The following SRBD1 variants were observed in gnomAD, a reference collection of about 807,000 sequenced individuals.
SRBD1 encodes the protein S1 RNA-binding domain-containing protein 1.
A neutral mutation model predicts 115.3 loss-of-function variants in SRBD1; 88 were observed. That is an observed-to-expected ratio of 0.76 (90% confidence interval 0.64 to 0.91). SRBD1 has a LOEUF of 0.91. SRBD1 is among the 40% of genes least tolerant of loss of function. The pLI is 0.00. For missense variants in SRBD1, 1,385 were observed against 1,177.4 expected, an observed-to-expected ratio of 1.18 and a Z score of -2.58; for synonymous variants, 509 against 407.7, an observed-to-expected ratio of 1.25 and a Z score of -2.99.
At chr2:45,433,171 T>G (rs1668390653) in intron 16 of SRBD1, among the ~76,000 whole-genome samples, 3 of 152,102 alleles carry the variant, frequency 2.0e-5, no homozygotes, top group Non-Finnish European at 4.4e-5. Context: ...AAATACAAAA[T>G]GTAGCTAGAA....
chr2:45,435,529 G>C (rs1298628024), intron 16 of SRBD1, among the ~76,000 whole-genome samples: 1 of 150,142 alleles, frequency 6.7e-6, no homozygotes, highest in Non-Finnish European at 1.5e-5. Context: ...ACATACCCAG[G>C]GCACCAAGAC....
intron 4 of SRBD1, among the ~76,000 whole-genome samples, chr2:45,592,171 G>A (rs1386344732): frequency 6.6e-6 from 1 of 152,030 alleles, no homozygotes; most frequent in African/African-American, 2.4e-5. Flanking sequence ...TGATTCTGAG[G>A]CCTCCCCAGC....
intron 16 of SRBD1, among the ~76,000 whole-genome samples, chr2:45,472,420 T>C (rs1171976043): frequency 6.6e-6 from 1 of 152,234 alleles, no homozygotes; most frequent in Non-Finnish European, 1.5e-5. Context: ...CACTGACTTG[T>C]ACATTTTAAA....
At chr2:45,579,466 T>G (rs931133663) in intron 7 of SRBD1, among the ~76,000 whole-genome samples, 3 of 152,126 alleles carry the variant, frequency 2.0e-5, no homozygotes, top group Non-Finnish European at 2.9e-5. Flanking sequence ...ATGAAGGAAT[T>G]TCTTTAAAAA....
At chr2:45,555,488 C>CTTTTTTTTTTTTT (rs35646522) in intron 10 of SRBD1, among the ~76,000 whole-genome samples, 1 of 121,386 alleles carries the variant, frequency 8.2e-6, no homozygotes, top group Admixed American at 8.7e-5. Context: ...TCATTAAACC[C>CTTTTTTTTTTTTT]TTTTTTTTTT....
rs1327555715 is a variant in SRBD1, at chr2:45,551,249, T to G, written c.1551A>C (p.Ser517=). 1 of 1,606,880 alleles carries G rather than the reference T, an allele frequency of 6.2e-7. No individual in the cohort carries two copies. The highest frequency in any genetic ancestry group is 8.5e-7 in the Non-Finnish European group (1 of 1,178,656). Residue 517 remains serine (S), a synonymous_variant, in exon 12 of 21, where the codon TCA becomes TCC. Coordinates refer to ENST00000263736, the MANE Select transcript of SRBD1 (RefSeq NM_018079.5). ...AKLTSDAEKE[S]VMMFGRNLRQ... ...GAAGGTTCCGTCCAAACATCATTACTGATTCCTTCTCTGCATCTGATGTTA... is the reference window on the plus strand; with the variant it reads ...GAAGGTTCCGTCCAAACATCATTACGGATTCCTTCTCTGCATCTGATGTTA...
In SRBD1 at chr2:45,599,692, A is replaced by C. The variant is rs1329763021; in HGVS notation, c.405T>G (p.Val135=). 1.2e-6 allele frequency: 2 copies of C among 1,614,000 alleles called. No homozygotes were observed. Among genetic ancestry groups the C allele is most frequent in the African/African-American group, 1.3e-5 (1 of 74,918 alleles). Residue 135 remains valine, a synonymous_variant, in exon 4 of 21, where the codon GTT becomes GTG. Coordinates refer to ENST00000263736, the MANE Select transcript of SRBD1 (RefSeq NM_018079.5). ...TGCTGGCTTTGCTGGTTTCTTCTTC[A>C]ACTTTCAGCTTTTTAGTCCTTCGAA... ...HTVRRTKKLK[V]EEETSKASNL...
chr2:45,571,667 CA>C (rs1464239127), intron 9 of SRBD1, among the ~76,000 whole-genome samples: 3 of 151,638 alleles, frequency 2.0e-5, no homozygotes, highest in African/African-American at 7.3e-5. Context: ...AATGATCTTT[CA>C]ACCATATAGA....
intron 10 of SRBD1, among the ~76,000 whole-genome samples, chr2:45,559,963 C>T (rs1369006697): frequency 6.6e-6 from 1 of 151,986 alleles, no homozygotes; most frequent in Non-Finnish European, 1.5e-5. Flanking sequence ...CACCTGTAGT[C>T]CCAGCTACTC....
intron 9 of SRBD1, among the ~76,000 whole-genome samples, chr2:45,563,961 T>C (rs1672748377): frequency 6.6e-6 from 1 of 152,136 alleles, no homozygotes; most frequent in Non-Finnish European, 1.5e-5. Flanking sequence ...AGGCCAGTAT[T>C]ACTCTGATAC....
chr2:45,529,092 A>G (rs576528762), intron 14 of SRBD1, among the ~76,000 whole-genome samples: 3 of 152,024 alleles, frequency 2.0e-5, no homozygotes, highest in African/African-American at 7.2e-5. Context: ...TGAAAATGTC[A>G]ATAATTAACA....
intron 14 of SRBD1, among the ~76,000 whole-genome samples, chr2:45,525,205 G>A (rs920509744): frequency 6.6e-6 from 1 of 151,950 alleles, no homozygotes; most frequent in Non-Finnish European, 1.5e-5. Context: ...GAAAACATAG[G>A]AGCTCATCTT....
chr2:45,590,119 C>G lies in SRBD1; in HGVS notation c.649-4345G>C, dbSNP rs188652729. Among the ~76,000 whole-genome samples the G allele has an allele frequency of 3.3e-5, 5 of 152,356 alleles. No individual in the cohort carries two copies. The East Asian group carries it at 5.8e-4, about 18-fold the overall frequency. On this transcript the variant is annotated intron_variant, in intron 4 of 20. Coordinates refer to ENST00000263736, the MANE Select transcript of SRBD1 (RefSeq NM_018079.5). ...AAACCAATGCACATGTTTTAAATCG[C>G]TAAAAGTTCAGTAATGCTGAAATAT...
At chr2:45,608,068 C>A (rs940119735) in intron 1 of SRBD1, among the ~76,000 whole-genome samples, 1 of 152,188 alleles carries the variant, frequency 6.6e-6, no homozygotes, top group Non-Finnish European at 1.5e-5. Flanking sequence ...CCCACACAGA[C>A]TACCATATAC....
At chr2:45,509,489 G>A (rs1359217848) in intron 14 of SRBD1, among the ~76,000 whole-genome samples, 2 of 151,956 alleles carry the variant, frequency 1.3e-5, no homozygotes, top group South Asian at 2.1e-4. Flanking sequence ...CCAGCTACAC[G>A]GGAGGCTGAG....
In SRBD1 at chr2:45,389,275, G is replaced by A. The variant is rs1367853723; in HGVS notation, c.*35C>T. Reference sequence around the variant, plus strand: ...TATCCTTGTCAATCTGTGGAAATGAGAAAATAAAATCAGCGTCTGGCCTTC... The same window carrying A: ...TATCCTTGTCAATCTGTGGAAATGAAAAAATAAAATCAGCGTCTGGCCTTC... On this transcript the variant is annotated 3_prime_UTR_variant, in exon 21 of 21. Transcript: ENST00000263736. 6.3e-7 allele frequency: 1 copy of A among 1,593,502 alleles called. No homozygotes were observed. The highest frequency in any genetic ancestry group is 8.6e-7 in the Non-Finnish European group (1 of 1,168,382).
At chr2:45,457,925 TC>T (rs1669202728) in intron 16 of SRBD1, among the ~76,000 whole-genome samples, 1 of 152,088 alleles carries the variant, frequency 6.6e-6, no homozygotes, top group South Asian at 2.1e-4. Context: ...AATATGCTTT[TC>T]AAAATTTGAC....
chr2:45,444,204 G>C (rs1668753478), intron 16 of SRBD1, among the ~76,000 whole-genome samples: 1 of 152,078 alleles, frequency 6.6e-6, no homozygotes. Flanking sequence ...TCAGGAGCTT[G>C]AGACCAGCCT....
chr2:45,514,059 T>G (rs1402930328), intron 14 of SRBD1, among the ~76,000 whole-genome samples: 2 of 152,148 alleles, frequency 1.3e-5, no homozygotes, highest in African/African-American at 4.8e-5. Flanking sequence ...GAACAACACT[T>G]ACAACCACGG....
Sources: allele counts gnomAD v4.1 joint callset (sites outside exome capture counted in the v4.1 genomes callset), GRCh38; gene constraint gnomAD v4.1.1; transcripts MANE v1.5; gene names NCBI Gene and HGNC (gene_info 2026-07-23, HGNC 2026-07-21).